The following SYNDIG1 variants were observed in gnomAD, a reference collection of about 807,000 sequenced individuals.
SYNDIG1 encodes the protein synapse differentiation inducing 1.
Under a neutral mutation model 19.4 loss-of-function variants are expected in SYNDIG1, and 9 were observed. The observed-to-expected ratio is 0.46, with a 90% CI of 0.28 to 0.81. The LOEUF is 0.81. Ranked by LOEUF, SYNDIG1 falls within the 30% of genes least tolerant of loss-of-function variation. The pLI is 0.12. For missense variants in SYNDIG1, 311 were observed against 343.3 expected (o/e 0.91, Z 0.74); for synonymous variants, 141 against 145.9 (o/e 0.97, Z 0.24).
intron 2 of SYNDIG1, among the ~76,000 whole-genome samples, chr20:24,571,854 T>C (rs1229633036): frequency 6.6e-6 from 1 of 152,236 alleles, no homozygotes; most frequent in African/African-American, 2.4e-5. Flanking sequence ...CCTTCTGATC[T>C]TAAAGCCTGA....
At chr20:24,482,642 T>A (rs181642175) in intron 1 of SYNDIG1, among the ~76,000 whole-genome samples, 1 of 152,290 alleles carries the variant, frequency 6.6e-6, no homozygotes, top group East Asian at 1.9e-4. Flanking sequence ...AGTAATGAAC[T>A]GTCAGAAAAA....
chr20:24,627,248 A>G (rs1405383528), intron 3 of SYNDIG1, among the ~76,000 whole-genome samples: 1 of 152,174 alleles, frequency 6.6e-6, no homozygotes, highest in Non-Finnish European at 1.5e-5. Flanking sequence ...CTGTAAATCC[A>G]GTAACTTAGA....
At chr20:24,478,367 C>T (rs530882905) in intron 1 of SYNDIG1, among the ~76,000 whole-genome samples, 5 of 152,180 alleles carry the variant, frequency 3.3e-5, no homozygotes, top group African/African-American at 9.7e-5. Flanking sequence ...ACTCCCTCGG[C>T]GAGCTCCCCA....
Position 24,539,075 on chromosome 20 carries a change from C to T in SYNDIG1, c.-78-3945C>T, listed in dbSNP as rs151336098. Among the ~76,000 whole-genome samples, 145 of 152,254 alleles carry T rather than the reference C, an allele frequency of 9.5e-4. 1 individual carries two copies. The highest frequency in any genetic ancestry group is 3.9e-3 in the South Asian group (19 of 4,822). On this transcript the variant is annotated intron_variant, in intron 1 of 3. Transcript: ENST00000376862. ...TACTTTCTTACTCTGTTGATATTGT[C>T]TATTGATGCACAAAAATATCTAAAT...
At chr20:24,550,418 A>T (rs1454732473) in intron 2 of SYNDIG1, among the ~76,000 whole-genome samples, 1 of 151,976 alleles carries the variant, frequency 6.6e-6, no homozygotes. Context: ...TGGGTGTTCA[A>T]TTCGTCAGGT....
rs1396446695 is a variant in SYNDIG1, at chr20:24,491,325, G to C, written c.-79+21572G>C. Reference sequence around the variant, plus strand: ...CTGTACAGGCTGGGAGAGCAGCCAGGAGAGGACAGGATGCTCAAGTCTTTT... The same window carrying C: ...CTGTACAGGCTGGGAGAGCAGCCAGCAGAGGACAGGATGCTCAAGTCTTTT... On this transcript the variant is annotated intron_variant, in intron 1 of 3. Transcript: ENST00000376862. 2.0e-5 allele frequency: 3 copies of C among 152,258 alleles called. No individual in the cohort carries two copies. In the East Asian group the frequency reaches 5.8e-4, roughly 29 times the overall value. 9.4% of individuals were successfully genotyped at this position (152,258 alleles called of 1,614,324 possible). A position where few individuals can be genotyped will look rare whatever the true frequency, so the allele number is the denominator to read the frequency against.
chr20:24,616,281 C>T (rs1435834333), intron 3 of SYNDIG1, among the ~76,000 whole-genome samples: 1 of 152,190 alleles, frequency 6.6e-6, no homozygotes, highest in Non-Finnish European at 1.5e-5. Flanking sequence ...GGCTGTGGCT[C>T]TAAGAAGGTG....
chr20:24,543,639 A>G (rs1052318150), intron 2 of SYNDIG1, 62 bp downstream of exon 2: 269 of 1,551,740 alleles, frequency 1.7e-4, no homozygotes, highest in Non-Finnish European at 1.9e-5. Context: ...TAGGGAGGGC[A>G]GGAGCCATGA....
At chr20:24,508,834 T>C (rs2056670677) in intron 1 of SYNDIG1, among the ~76,000 whole-genome samples, 1 of 151,934 alleles carries the variant, frequency 6.6e-6, no homozygotes, top group African/African-American at 2.4e-5. Flanking sequence ...ACATGAGAAC[T>C]GAAGAAAAGG....
intron 1 of SYNDIG1, among the ~76,000 whole-genome samples, chr20:24,499,383 T>C (rs148499069): frequency 0.012 from 1,862 of 152,276 alleles, 41 homozygotes; most frequent in African/African-American, 0.041. Flanking sequence ...AGAGGAGGAA[T>C]AGGACATGAG....
chr20:24,550,467 C>T (rs2057683140), intron 2 of SYNDIG1, among the ~76,000 whole-genome samples: 2 of 150,560 alleles, frequency 1.3e-5, no homozygotes, highest in South Asian at 4.2e-4. Flanking sequence ...CTTTGTTGTC[C>T]TTTATTTTTT....
At chr20:24,648,303 G>A (rs2059439854) in intron 3 of SYNDIG1, among the ~76,000 whole-genome samples, 1 of 152,200 alleles carries the variant, frequency 6.6e-6, no homozygotes, top group African/African-American at 2.4e-5. Context: ...GGTTTGTGGA[G>A]GTTTATGATC....
At chr20:24,544,225 AGT>A (rs879852163) in intron 2 of SYNDIG1, among the ~76,000 whole-genome samples, 4 of 152,152 alleles carry the variant, frequency 2.6e-5, no homozygotes, top group Non-Finnish European at 5.9e-5. Context: ...GTGGTTGCTG[AGT>A]GTGTGGCACA....
chr20:24,650,684 A>G (rs2059462091), intron 3 of SYNDIG1, among the ~76,000 whole-genome samples: 1 of 152,180 alleles, frequency 6.6e-6, no homozygotes, highest in Non-Finnish European at 1.5e-5. Flanking sequence ...TGCCAGCTGT[A>G]ATGGTTCTGC....
chr20:24,523,037 G>C (rs754613340), intron 1 of SYNDIG1, among the ~76,000 whole-genome samples: 7 of 152,176 alleles, frequency 4.6e-5, no homozygotes, highest in Non-Finnish European at 8.8e-5. Context: ...GAGATTTGGA[G>C]GGGACACACA....
chr20:24,572,524 G>A (rs1047999706), intron 2 of SYNDIG1, among the ~76,000 whole-genome samples: 1 of 152,208 alleles, frequency 6.6e-6, no homozygotes, highest in African/African-American at 2.4e-5. Flanking sequence ...AGCGTGGAGC[G>A]ACTGGTCAGG....
intron 1 of SYNDIG1, among the ~76,000 whole-genome samples, chr20:24,497,063 A>C (rs1193141056): frequency 6.6e-6 from 1 of 152,154 alleles, no homozygotes; most frequent in Non-Finnish European, 1.5e-5. Context: ...TAGGAGATAG[A>C]ATTTTATCAG....
At chr20:24,551,114 G>C (rs2146794958) in intron 2 of SYNDIG1, among the ~76,000 whole-genome samples, 1 of 152,324 alleles carries the variant, frequency 6.6e-6, no homozygotes, top group Middle Eastern at 3.4e-3. Flanking sequence ...GAACTCACCA[G>C]TGAAGGCATT....
chr20:24,487,449 G>A (rs898013231), intron 1 of SYNDIG1, among the ~76,000 whole-genome samples: 5 of 152,108 alleles, frequency 3.3e-5, no homozygotes, highest in Non-Finnish European at 7.4e-5. Flanking sequence ...TTACAGCCCC[G>A]TGGCCATGCT....
Sources: gnomAD v4.1 joint callset for allele counts (sites outside exome capture counted in the v4.1 genomes callset) on GRCh38, gnomAD v4.1.1 for gene constraint, MANE v1.5 for transcripts, NCBI Gene and HGNC (gene_info 2026-07-23, HGNC 2026-07-21) for gene names.